The following RNF180 variants were observed in gnomAD, a reference collection of about 807,000 sequenced individuals.
RNF180 encodes the protein E3 ubiquitin-protein ligase RNF180.
A neutral mutation model predicts 59.2 loss-of-function variants in RNF180; 38 were observed. The ratio of observed to expected loss-of-function variants is 0.64; its 90% CI spans 0.50 to 0.84. RNF180 has a LOEUF of 0.84. Ranked by LOEUF, RNF180 falls within the 40% of genes least tolerant of loss-of-function variation. The pLI, the probability that RNF180 is intolerant of heterozygous loss-of-function variation, is 0.00. For synonymous variants in RNF180, 262 were observed against 240.3 expected (o/e 1.09, Z -0.84); for missense variants, 705 against 700.9 (o/e 1.01, Z -0.07).
Position 64,200,893 on chromosome 5 carries a change from T to G in RNF180, c.86T>G (p.Ile29Arg). The G allele has an allele frequency of 1.2e-6, 2 of 1,613,464 alleles. No homozygotes were observed. Among genetic ancestry groups the G allele is most frequent in the Non-Finnish European group, 1.7e-6 (2 of 1,179,406 alleles). ...ILRCWKCRKC[I>R]ASSGCFMEYL... ...CGTTGTTGGAAATGTAGAAAATGTA[T>G]AGCAAGCTCTGGTTGTTTTATGGAG... The change falls in exon 2 of 8, where the codon ATA (isoleucine) becomes AGA (arginine). Residue 29 changes from isoleucine (I) to arginine (R), a missense_variant. By Grantham distance (97) the Ile-to-Arg change is moderately conservative. Coordinates refer to ENST00000389100, the MANE Select transcript of RNF180 (RefSeq NM_001113561.2).
intron 5 of RNF180, among the ~76,000 whole-genome samples, chr5:64,296,871 G>A (rs1303259425): frequency 6.6e-6 from 1 of 151,998 alleles, no homozygotes; most frequent in Non-Finnish European, 1.5e-5. Context: ...ATGGAGGTTT[G>A]ATTTTGTATG....
intron 3 of RNF180, among the ~76,000 whole-genome samples, chr5:64,212,973 G>A (rs1752386473): frequency 6.6e-6 from 1 of 152,206 alleles, no homozygotes. Flanking sequence ...TTAGGACACT[G>A]CAGATATTTC....
At chr5:64,293,077 G>T (rs1216290093) in intron 5 of RNF180, among the ~76,000 whole-genome samples, 3 of 152,214 alleles carry the variant, frequency 2.0e-5, no homozygotes, top group African/African-American at 7.2e-5. Context: ...GTTGCGCTGG[G>T]TTGGCTGGAA....
chr5:64,353,298 G>A (rs976574850), intron 7 of RNF180, among the ~76,000 whole-genome samples: 2 of 151,490 alleles, frequency 1.3e-5, no homozygotes, highest in African/African-American at 2.4e-5. Flanking sequence ...AATATAAAAT[G>A]ACTATTAGAA....
At chr5:64,282,165 AC>A (rs1209970076) in intron 5 of RNF180, among the ~76,000 whole-genome samples, 1 of 151,988 alleles carries the variant, frequency 6.6e-6, no homozygotes. Flanking sequence ...TCAGCTGTGA[AC>A]TTCTCTGGTC....
intron 5 of RNF180, among the ~76,000 whole-genome samples, chr5:64,237,457 T>G (rs1388472586): frequency 6.6e-6 from 1 of 152,112 alleles, no homozygotes; most frequent in African/African-American, 2.4e-5. Flanking sequence ...AACAAACTTG[T>G]TTTTGATTTT....
chr5:64,284,352 C>T (rs772721977), intron 5 of RNF180, among the ~76,000 whole-genome samples: 2 of 152,098 alleles, frequency 1.3e-5, no homozygotes, highest in Non-Finnish European at 2.9e-5. Context: ...TTATCTTGTA[C>T]ACTGTCTTGC....
chr5:64,349,840 C>A lies in RNF180; in HGVS notation c.1579+19434C>A, dbSNP rs563141119. ...ATTTTCTTAATCCAGTCTATCATTG[C>A]TAGACATTAGGGTTGGTTCCAAGTC... On this transcript the variant is annotated intron_variant, in intron 7 of 7. Coordinates refer to ENST00000389100, the MANE Select transcript of RNF180 (RefSeq NM_001113561.2). 5.7e-3 allele frequency among the ~76,000 whole-genome samples: 873 copies of A among 152,164 alleles called. 5 individuals are homozygous for A. Among genetic ancestry groups the A allele is most frequent in the Non-Finnish European group, 0.01 (686 of 67,982 alleles).
intron 5 of RNF180, among the ~76,000 whole-genome samples, chr5:64,294,302 G>A (rs1742767147): frequency 6.6e-6 from 1 of 152,140 alleles, no homozygotes; most frequent in Non-Finnish European, 1.5e-5. Context: ...TCTCCATGAT[G>A]TGCATATTTC....
In RNF180 at chr5:64,355,309, C is replaced by T. The variant is rs1181017662; in HGVS notation, c.1580-14306C>T. On this transcript the variant is annotated intron_variant, in intron 7 of 7. Transcript: ENST00000389100. ...TCCAGAAAGGACACTAAAAGCAATTCGATTTACAATAGCATCTAAAAGAAT... is the reference window on the plus strand; with the variant it reads ...TCCAGAAAGGACACTAAAAGCAATTTGATTTACAATAGCATCTAAAAGAAT... Among the ~76,000 whole-genome samples, 6 of 151,812 alleles carry T rather than the reference C, an allele frequency of 4.0e-5. No homozygotes were observed. The East Asian group carries it at 1.2e-3, about 30-fold the overall frequency.
intron 5 of RNF180, among the ~76,000 whole-genome samples, chr5:64,281,516 T>G (rs924524657): frequency 3.3e-5 from 5 of 152,104 alleles, no homozygotes; most frequent in Non-Finnish European, 7.4e-5. Context: ...CTTTTTTTTT[T>G]GAGATGGAGT....
rs756040374 is a variant in RNF180 at position 64,214,218 on chromosome 5, G to GC, written c.898dup (p.His300ProfsTer2). The GC allele has an allele frequency of 7.4e-6, 12 of 1,613,758 alleles. No homozygotes were observed. Among genetic ancestry groups the GC allele is most frequent in the African/African-American group, 2.7e-5 (2 of 74,832 alleles). ...TATGCTGCTGCAAAGATTTTCAGTG[G>GC]CCCCCCATGAGACCCAGACACAAAG... On this transcript the variant is annotated frameshift_variant, in exon 4 of 8. Coordinates refer to ENST00000389100, the MANE Select transcript of RNF180 (RefSeq NM_001113561.2). LOFTEE classifies it high-confidence loss of function.
chr5:64,323,997 C>T (rs566851099), intron 5 of RNF180, among the ~76,000 whole-genome samples: 31 of 152,168 alleles, frequency 2.0e-4, no homozygotes, highest in African/African-American at 7.5e-4. Context: ...TAGCAAAGAC[C>T]GCAATTACTT....
chr5:64,221,123 A>G (rs964454846), intron 5 of RNF180, among the ~76,000 whole-genome samples: 7 of 152,004 alleles, frequency 4.6e-5, no homozygotes, highest in African/African-American at 1.4e-4. Flanking sequence ...TTGATTCATC[A>G]TCTTAAAATC....
chr5:64,319,084 CTGTG>C (rs756092857), intron 5 of RNF180, among the ~76,000 whole-genome samples: 1 of 151,196 alleles, frequency 6.6e-6, no homozygotes. Flanking sequence ...AGGCAAAACT[CTGTG>C]TGTGTGCATG....
intron 5 of RNF180, among the ~76,000 whole-genome samples, chr5:64,294,555 T>C (rs1241437337): frequency 6.6e-6 from 1 of 152,190 alleles, no homozygotes; most frequent in Non-Finnish European, 1.5e-5. Context: ...AGTATATTTT[T>C]CTACCTTAAA....
chr5:64,238,816 G>T (rs903911722), intron 5 of RNF180, among the ~76,000 whole-genome samples: 1 of 151,996 alleles, frequency 6.6e-6, no homozygotes, highest in Non-Finnish European at 1.5e-5. Flanking sequence ...TTTCTTTGCC[G>T]TATAGAAGTT....
At chr5:64,335,324 A>T (rs1247706681) in intron 7 of RNF180, among the ~76,000 whole-genome samples, 1 of 151,992 alleles carries the variant, frequency 6.6e-6, no homozygotes, top group Non-Finnish European at 1.5e-5. Context: ...AATGAATTGT[A>T]GTTCTTCAAT....
At chr5:64,343,267 GC>G (rs1259520303) in intron 7 of RNF180, among the ~76,000 whole-genome samples, 27 of 151,904 alleles carry the variant, frequency 1.8e-4, no homozygotes, top group Non-Finnish European at 8.8e-5. Context: ...GTAAAAAACT[GC>G]CAATAGAAAA....
Sources: allele counts gnomAD v4.1 joint callset (sites outside exome capture counted in the v4.1 genomes callset), GRCh38; gene constraint gnomAD v4.1.1; transcripts MANE v1.5; gene names NCBI Gene and HGNC (gene_info 2026-07-23, HGNC 2026-07-21).